DPP6: variants seen among roughly 807,000 people sequenced by gnomAD.
DPP6 encodes dipeptidyl peptidase like 6.
In DPP6, 69 loss-of-function variants were observed where a neutral mutation model predicts 122.6. The ratio of observed to expected loss-of-function variants is 0.56; its 90% confidence interval spans 0.46 to 0.69. The LOEUF is 0.69. DPP6 is among the 30% of genes least tolerant of loss of function. The pLI is 0.00. For missense variants in DPP6, 928 were observed against 1,116.9 expected (o/e 0.83, Z 2.41); for synonymous variants, 418 against 433.1 (o/e 0.97, Z 0.43).
intron 1 of DPP6, among the ~76,000 whole-genome samples, chr7:154,173,233 G>C (rs572039101): frequency 6.6e-6 from 1 of 152,208 alleles, no homozygotes; most frequent in Non-Finnish European, 1.5e-5. Context: ...GACTGTGCCA[G>C]CGTGGGACGA....
chr7:154,853,670 A>G (rs1210869138), intron 16 of DPP6, 110 bp from the exon 17 acceptor site: 5 of 1,465,776 alleles, frequency 3.4e-6, no homozygotes, highest in South Asian at 1.4e-5. Flanking sequence ...CGGGTTCTCC[A>G]GGCTCCGCAC....
chr7:153,965,365 C>T (rs887981687), intron 1 of DPP6, among the ~76,000 whole-genome samples: 10 of 151,978 alleles, frequency 6.6e-5, no homozygotes, highest in African/African-American at 2.2e-4. Flanking sequence ...TTAACCATTC[C>T]GGTTCCTCCT....
At chr7:153,791,402 G>GCCTT in the DPP6 span, among the ~76,000 whole-genome samples, 505 of 124,352 alleles carry the variant, frequency 4.1e-3, 7 homozygotes, top group African/African-American at 0.014. Flanking sequence ...TTCCCTTCCT[G>GCCTT]CCTTCCTTCC....
intron 2 of DPP6, among the ~76,000 whole-genome samples, chr7:154,449,138 C>T (rs971907642): frequency 2.0e-5 from 3 of 151,502 alleles, no homozygotes; most frequent in African/African-American, 7.3e-5. Flanking sequence ...AGACAACCCA[C>T]CGAATGGGAG....
At chr7:154,012,928 G>T (rs1389198740) in intron 1 of DPP6, among the ~76,000 whole-genome samples, 4 of 152,218 alleles carry the variant, frequency 2.6e-5, no homozygotes, top group Non-Finnish European at 5.9e-5. Flanking sequence ...TGTGAGCTCA[G>T]TCCTGTTGAG....
rs781585134 is a variant in DPP6, at chr7:154,892,455, C to T, written c.2573C>T (p.Ala858Val). 1 of 1,614,000 alleles carries T rather than the reference C, an allele frequency of 6.2e-7. No individual in the cohort carries two copies. The highest frequency in any genetic ancestry group is 1.1e-5 in the South Asian group (1 of 91,080). ...RIQDKLLTVTAKEDEEED is the reference protein window; with the variant it reads ...RIQDKLLTVTVKEDEEED ...CAGGACAAACTGCTGACAGTCACAG[C>T]GAAAGAGGACGAGGAGGAGGACTAA... Residue 858 changes from alanine (A) to valine (V), a missense_variant, in exon 26 of 26, where the codon GCG (alanine) becomes GTG (valine). Physicochemically the swap from Ala to Val is moderately conservative, Grantham distance 64. Transcript: ENST00000377770.
intron 8 of DPP6, among the ~76,000 whole-genome samples, chr7:154,763,889 C>T (rs971467930): frequency 2.0e-5 from 3 of 152,166 alleles, no homozygotes; most frequent in East Asian, 1.9e-4. Context: ...GCCTCACTCC[C>T]GGCCTCCCTT....
intron 1 of DPP6, among the ~76,000 whole-genome samples, chr7:154,104,379 T>C (rs1051054506): frequency 3.3e-5 from 5 of 152,256 alleles, no homozygotes; most frequent in Admixed American, 2.6e-4. Context: ...TGGACATGTA[T>C]GATATATGGC....
intron 5 of DPP6, among the ~76,000 whole-genome samples, chr7:154,572,371 A>T (rs1475277166): frequency 6.6e-6 from 1 of 152,126 alleles, no homozygotes; most frequent in African/African-American, 2.4e-5. Flanking sequence ...AATTAATTTT[A>T]AAAAATAACT....
At chr7:153,916,869 T>G (rs183460094) in intron 1 of DPP6, among the ~76,000 whole-genome samples, 177 of 152,298 alleles carry the variant, frequency 1.2e-3, no homozygotes, top group African/African-American at 3.9e-3. Flanking sequence ...CTGGTGAGTT[T>G]TCTATTCTTA....
At chr7:154,317,395 G>T (rs1287899761) in intron 1 of DPP6, among the ~76,000 whole-genome samples, 2 of 152,112 alleles carry the variant, frequency 1.3e-5, no homozygotes, top group Non-Finnish European at 2.9e-5. Flanking sequence ...ATAAGATAGA[G>T]TTGTAGCAAT....
At chr7:154,028,941 T>G (rs1167424901) in intron 1 of DPP6, among the ~76,000 whole-genome samples, 4 of 151,362 alleles carry the variant, frequency 2.6e-5, no homozygotes, top group African/African-American at 9.8e-5. Flanking sequence ...TTCTTCCTCT[T>G]CCAAGCTCTG....
At chr7:154,468,709 C>T (rs746503557) in intron 2 of DPP6, among the ~76,000 whole-genome samples, 3 of 152,150 alleles carry the variant, frequency 2.0e-5, no homozygotes, top group Admixed American at 6.5e-5. Context: ...TAAAGCATAA[C>T]TACAATTTCT....
At chr7:153,903,092 CA>C (rs369441261) in intron 1 of DPP6, among the ~76,000 whole-genome samples, 44 of 152,234 alleles carry the variant, frequency 2.9e-4, no homozygotes, top group African/African-American at 8.9e-4. Context: ...ACAATTTAGC[CA>C]AAATTGAGGA....
At chr7:154,089,238 G>A (rs1348514976) in intron 1 of DPP6, among the ~76,000 whole-genome samples, 5 of 151,638 alleles carry the variant, frequency 3.3e-5, no homozygotes, top group Admixed American at 6.6e-5. Flanking sequence ...TGTTCAAAAC[G>A]TGGAATGCGA....
chr7:154,517,449 A>G, intron 3 of DPP6, among the ~76,000 whole-genome samples: 1 of 152,186 alleles, frequency 6.6e-6, no homozygotes, highest in East Asian at 1.9e-4. Flanking sequence ...ATGGAGTTGA[A>G]TAAGCAAACC....
At chr7:154,105,722 A>C (rs1443055249) in intron 1 of DPP6, among the ~76,000 whole-genome samples, 2 of 151,976 alleles carry the variant, frequency 1.3e-5, no homozygotes, top group East Asian at 3.9e-4. Flanking sequence ...GTTCCCCTGC[A>C]CTTGCTGTCT....
At chr7:154,227,142 A>G (rs1800651975) in intron 1 of DPP6, among the ~76,000 whole-genome samples, 1 of 151,082 alleles carries the variant, frequency 6.6e-6, no homozygotes, top group Admixed American at 6.6e-5. Flanking sequence ...TTGCTGTAGC[A>G]CTATTCACAA....
At chr7:154,097,423 T>C (rs1805407895) in intron 1 of DPP6, among the ~76,000 whole-genome samples, 1 of 152,270 alleles carries the variant, frequency 6.6e-6, no homozygotes, top group African/African-American at 2.4e-5. Context: ...ACCCGTCTGA[T>C]TCAACGCTAT....
Sources: allele counts gnomAD v4.1 joint callset (sites outside exome capture counted in the v4.1 genomes callset), GRCh38; gene constraint gnomAD v4.1.1; transcripts MANE v1.5; gene names NCBI Gene and HGNC (gene_info 2026-07-23, HGNC 2026-07-21).